IGSF3: variants seen among roughly 807,000 people sequenced by gnomAD.
IGSF3 encodes glu-Trp-Ile EWI motif-containing protein 3.
In IGSF3, 23 loss-of-function variants were observed where a neutral mutation model predicts 114.4. That is an observed-to-expected ratio of 0.20 (90% CI 0.14 to 0.28). The LOEUF (loss-of-function observed/expected upper bound fraction) is 0.28. Ranked by LOEUF, IGSF3 falls within the 10% of genes least tolerant of loss-of-function variation. The pLI is 1.00. For synonymous variants in IGSF3, 571 were observed against 645.2 expected (o/e 0.88, Z 1.74); for missense variants, 1,172 against 1,591.5 (o/e 0.74, Z 4.48).
chr1:116,614,429 G>A lies in IGSF3; in HGVS notation c.422-254C>T, dbSNP rs1661141736. On this transcript the variant is annotated intron_variant, in intron 3 of 10. Transcript: ENST00000369486. This position sits in a 1 kb window ranked among gnomAD's most constrained non-coding sequence, Gnocchi z 4.5. ...TAATAACACTTGGATAAAACATGGG[G>A]TGTATTTCATATTACATAATAAATA... 6.6e-6 allele frequency among the ~76,000 whole-genome samples: 1 copy of A among 152,140 alleles called. No individual in the cohort carries two copies. The highest frequency in any genetic ancestry group is 2.4e-5 in the African/African-American group (1 of 41,424).
Position 116,600,022 on chromosome 1 carries a change from A to G in IGSF3, c.1948T>C (p.Trp650Arg), listed in dbSNP as rs764491950. 6.2e-7 allele frequency: 1 copy of G among 1,614,070 alleles called. No homozygotes were observed. Among genetic ancestry groups the G allele is most frequent in the African/African-American group, 1.3e-5 (1 of 74,918 alleles). ...AGKYQCVAEL[W>R]RKNYNNTWTR... ...CAGGTGTTGTTGTAGTTCTTCCGCC[A>G]CAGCTCTGCCACACACTGGTACTTG... The change falls in exon 7 of 11, where the codon TGG (tryptophan) becomes CGG (arginine). Residue 650 changes from tryptophan (W) to arginine (R), a missense_variant. Coordinates refer to ENST00000369486, the MANE Select transcript of IGSF3 (RefSeq NM_001007237.3). The surrounding 1 kb of genome is among the most constrained non-coding windows in gnomAD (Gnocchi z 5.5).
chr1:116,599,007 T>C (rs1660458393), intron 7 of IGSF3, among the ~76,000 whole-genome samples: 1 of 152,148 alleles, frequency 6.6e-6, no homozygotes, highest in Non-Finnish European at 1.5e-5. Flanking sequence ...GGAGCTCAAA[T>C]TCAGGGCCCA....
chr1:116,628,583 GT>G lies in IGSF3; in HGVS notation c.44-12127del, dbSNP rs1647412993. On this transcript the variant is annotated intron_variant, in intron 2 of 10. Transcript: ENST00000369486. The surrounding 1 kb of genome is among the most constrained non-coding windows in gnomAD (Gnocchi z 4.2). The stretch of plus-strand genomic sequence containing the variant: ...CCCCAAACCATTCCCCACCAAGAGT[GT>G]GGGTGGCAGGCACCCTGAAATATGT... Among the ~76,000 whole-genome samples, 1 of 152,160 alleles carries G rather than the reference GT, an allele frequency of 6.6e-6. No individual in the cohort carries two copies. The highest frequency in any genetic ancestry group is 1.9e-4 in the East Asian group (1 of 5,196).
rs914579321 is a variant in IGSF3 at position 116,601,863 on chromosome 1, A to G, written c.1625-1518T>C. Among the ~76,000 whole-genome samples, 16 of 151,896 alleles carry G rather than the reference A, an allele frequency of 1.1e-4. 2 individuals are homozygous for G. Among genetic ancestry groups the G allele is most frequent in the Admixed American group, 1.0e-3 (16 of 15,290 alleles). On this transcript the variant is annotated intron_variant, in intron 6 of 10. Coordinates refer to ENST00000369486, the MANE Select transcript of IGSF3 (RefSeq NM_001007237.3). Reference sequence around the variant, plus strand: ...GAACCTCAGGGACAGGACCCACACCAGGTGCTCCTGGCCTCACACCTGAAG... The same window carrying G: ...GAACCTCAGGGACAGGACCCACACCGGGTGCTCCTGGCCTCACACCTGAAG...
chr1:116,659,059 T>C (rs766634827), intron 2 of IGSF3, among the ~76,000 whole-genome samples: 4 of 152,230 alleles, frequency 2.6e-5, no homozygotes, highest in Non-Finnish European at 4.4e-5. Flanking sequence ...CTTTTTAAAA[T>C]ACAACTGACC....
chr1:116,577,615 C>T lies in IGSF3; in HGVS notation c.3335-53G>A. 1.9e-6 allele frequency: 3 copies of T among 1,580,504 alleles called. No individual in the cohort carries two copies. Among genetic ancestry groups the T allele is most frequent in the South Asian group, 2.3e-5 (2 of 86,724 alleles). The stretch of plus-strand genomic sequence containing the variant: ...CAATGAGGGCTGAGAACCTGGACTG[C>T]TCACATTTCCTTTTGAAGACCTCAC... On this transcript the variant is annotated intron_variant, in intron 10 of 10. Transcript: ENST00000369486. This position sits in a 1 kb window ranked among gnomAD's most constrained non-coding sequence, Gnocchi z 5.7.
In IGSF3 at chr1:116,636,795, G is replaced by A. The variant is rs1348479362; in HGVS notation, c.44-20338C>T. ...TCCACACTCCAAAGACAGCATCTCC[G>A]CGAGAAGTGTTGGGCAGTGTCCAGG... On this transcript the variant is annotated intron_variant, in intron 2 of 10. Transcript: ENST00000369486. The surrounding 1 kb of genome is among the most constrained non-coding windows in gnomAD (Gnocchi z 4.5). Among the ~76,000 whole-genome samples the A allele has an allele frequency of 2.6e-5, 4 of 151,874 alleles. No homozygotes were observed. The highest frequency in any genetic ancestry group is 6.6e-5 in the Admixed American group (1 of 15,258).
At chr1:116,660,687 C>A (rs577602652) in intron 2 of IGSF3, among the ~76,000 whole-genome samples, 55 of 152,086 alleles carry the variant, frequency 3.6e-4, no homozygotes, top group Non-Finnish European at 5.6e-4. Context: ...GGTGATCCAC[C>A]CACCTTGGCC....
rs1212618269 is a variant in IGSF3, at chr1:116,638,118, G to A, written c.44-21661C>T. Among the ~76,000 whole-genome samples, 1 of 152,076 alleles carries A rather than the reference G, an allele frequency of 6.6e-6. No homozygotes were observed. Among genetic ancestry groups the A allele is most frequent in the Non-Finnish European group, 1.5e-5 (1 of 68,026 alleles). ...CATCTTAAAAATAAACCAAAAATGT[G>A]TTATTCCAGCTACCCTCACTCTTTT... On this transcript the variant is annotated intron_variant, in intron 2 of 10. Transcript: ENST00000369486. This position sits in a 1 kb window ranked among gnomAD's most constrained non-coding sequence, Gnocchi z 4.1.
rs1406319933 is a variant in IGSF3 at position 116,610,456 on chromosome 1, T to C, written c.833-2125A>G. On this transcript the variant is annotated intron_variant, in intron 4 of 10. Transcript: ENST00000369486. This position sits in a 1 kb window ranked among gnomAD's most constrained non-coding sequence, Gnocchi z 4.3. ...TCACCCCCGTTTCTGCCCTTGGTTA[T>C]GCCCAGTCAATTACATCTCTAGAAA... Among the ~76,000 whole-genome samples, 2 of 152,220 alleles carry C rather than the reference T, an allele frequency of 1.3e-5. No individual in the cohort carries two copies. The highest frequency in any genetic ancestry group is 4.1e-4 in the South Asian group (2 of 4,832).
chr1:116,605,163 C>T lies in IGSF3; in HGVS notation c.1223-1138G>A, dbSNP rs1489710802. Among the ~76,000 whole-genome samples the T allele has an allele frequency of 6.6e-6, 1 of 151,888 alleles. No individual in the cohort carries two copies. Among genetic ancestry groups the T allele is most frequent in the Non-Finnish European group, 1.5e-5 (1 of 67,982 alleles). ...CTAATTTGGCTCCAATTTTTGGGTA[C>T]CACCCACATTAAATACATGCAATAA... On this transcript the variant is annotated intron_variant, in intron 5 of 10. Transcript: ENST00000369486. This position sits in a 1 kb window ranked among gnomAD's most constrained non-coding sequence, Gnocchi z 5.1.
chr1:116,647,790 A>C lies in IGSF3; in HGVS notation c.43+18494T>G, dbSNP rs1648461465. Among the ~76,000 whole-genome samples, 1 of 152,250 alleles carries C rather than the reference A, an allele frequency of 6.6e-6. No individual in the cohort carries two copies. The highest frequency in any genetic ancestry group is 1.5e-5 in the Non-Finnish European group (1 of 68,042). On this transcript the variant is annotated intron_variant, in intron 2 of 10. Coordinates refer to ENST00000369486, the MANE Select transcript of IGSF3 (RefSeq NM_001007237.3). The surrounding 1 kb of genome is among the most constrained non-coding windows in gnomAD (Gnocchi z 4.6). ...TAAGCTTAGACCTTGTAGGCCTATC[A>C]GCCAGAAGCAGTGTGTAAAATAAGA...
In IGSF3 at chr1:116,638,919, T is replaced by C. The variant is rs533952706; in HGVS notation, c.44-22462A>G. 6.6e-6 allele frequency among the ~76,000 whole-genome samples: 1 copy of C among 152,178 alleles called. No individual in the cohort carries two copies. The highest frequency in any genetic ancestry group is 1.5e-5 in the Non-Finnish European group (1 of 68,030). Reference sequence around the variant, plus strand: ...CCCAGGGTCACGTGCAAAGTCTGCATGCATGCTGAACCATTCCAGCTGCGC... The same window carrying C: ...CCCAGGGTCACGTGCAAAGTCTGCACGCATGCTGAACCATTCCAGCTGCGC... On this transcript the variant is annotated intron_variant, in intron 2 of 10. Coordinates refer to ENST00000369486, the MANE Select transcript of IGSF3 (RefSeq NM_001007237.3). The surrounding 1 kb of genome is among the most constrained non-coding windows in gnomAD (Gnocchi z 4.1).
chr1:116,606,774 T>C (rs2101463030), intron 5 of IGSF3, among the ~76,000 whole-genome samples: 1 of 152,354 alleles, frequency 6.6e-6, no homozygotes, highest in African/African-American at 2.4e-5. Context: ...TTCAATTCAA[T>C]AATTTCAGTT....
rs140507529 is a variant in IGSF3, at chr1:116,577,810, T to C, written c.3335-248A>G. 8.1e-4 allele frequency among the ~76,000 whole-genome samples: 123 copies of C among 152,364 alleles called. No homozygotes were observed. Among genetic ancestry groups the C allele is most frequent in the African/African-American group, 2.8e-3 (116 of 41,592 alleles). ...TTCTGTTTTCCATTGAGAGCCATTA[T>C]TGCTGCTTGGAAAGCCACATAATGA... On this transcript the variant is annotated intron_variant, in intron 10 of 10. Transcript: ENST00000369486. The surrounding 1 kb of genome is among the most constrained non-coding windows in gnomAD (Gnocchi z 5.7).
Position 116,607,873 on chromosome 1 carries a change from T to C in IGSF3, c.1222+69A>G. 1 of 1,473,736 alleles carries C rather than the reference T, an allele frequency of 6.8e-7. No individual in the cohort carries two copies. Among genetic ancestry groups the C allele is most frequent in the East Asian group, 2.3e-5 (1 of 43,954 alleles). The allele number at this position is 1,473,736 out of a possible 1,614,324, so 91.3% of individuals were successfully genotyped here. On this transcript the variant is annotated intron_variant, in intron 5 of 10. Transcript: ENST00000369486. This position sits in a 1 kb window ranked among gnomAD's most constrained non-coding sequence, Gnocchi z 6.1. ...TCCCCTCACCTTCACCACGCTATTC[T>C]CTCTCCCCCTACCTCTCCTAAATGA... is the stretch of plus-strand genomic sequence containing the variant.
chr1:116,577,757 A>G lies in IGSF3; in HGVS notation c.3335-195T>C, dbSNP rs1045888732. On this transcript the variant is annotated intron_variant, in intron 10 of 10. Coordinates refer to ENST00000369486, the MANE Select transcript of IGSF3 (RefSeq NM_001007237.3). This position sits in a 1 kb window ranked among gnomAD's most constrained non-coding sequence, Gnocchi z 5.7. ...TTTCTCGCAACACCTCTCCTAATTT[A>G]CGGCTGTATGTTCCAACAAAGCAAT... 1.3e-5 allele frequency among the ~76,000 whole-genome samples: 2 copies of G among 152,096 alleles called. No individual in the cohort carries two copies. The highest frequency in any genetic ancestry group is 2.9e-5 in the Non-Finnish European group (2 of 68,008).
chr1:116,592,531 T>C lies in IGSF3; in HGVS notation c.2030-3427A>G, dbSNP rs936805224. On this transcript the variant is annotated intron_variant, in intron 7 of 10. Transcript: ENST00000369486. This position sits in a 1 kb window ranked among gnomAD's most constrained non-coding sequence, Gnocchi z 4.5. ...TGTTTTGTATGGTAGGAGAGGCTGTTGTGTTTGTTACAGGCCAGGATAGGG... is the reference window on the plus strand; with the variant it reads ...TGTTTTGTATGGTAGGAGAGGCTGTCGTGTTTGTTACAGGCCAGGATAGGG... Among the ~76,000 whole-genome samples the C allele has an allele frequency of 3.9e-5, 6 of 152,168 alleles. No individual in the cohort carries two copies. Among genetic ancestry groups the C allele is most frequent in the African/African-American group, 1.4e-4 (6 of 41,438 alleles).
Position 116,614,024 on chromosome 1 carries a change from C to A in IGSF3, c.573G>T (p.Lys191Asn). Residue 191 changes from lysine to asparagine, a missense_variant, in exon 4 of 11, where the codon AAG becomes AAT. Lys to Asn is a moderately conservative substitution (Grantham distance 94). Coordinates refer to ENST00000369486, the MANE Select transcript of IGSF3 (RefSeq NM_001007237.3). This position sits in a 1 kb window ranked among gnomAD's most constrained non-coding sequence, Gnocchi z 4.5. The stretch of plus-strand genomic sequence containing the variant: ...GGCTCAGGGAGATGACCTCCACGGG[C>A]TTCTCGCCAACTTTCTGCCGGAGCC... ...VAWLRQKVGE[K>N]PVEVISLSRD... is the part of the protein sequence containing the mutation. 6.2e-7 allele frequency: 1 copy of A among 1,614,112 alleles called. No homozygotes were observed.
Sources: allele counts gnomAD v4.1 joint callset (sites outside exome capture counted in the v4.1 genomes callset), GRCh38; gene constraint gnomAD v4.1.1; non-coding constraint Gnocchi (gnomAD v3.1); transcripts MANE v1.5; gene names NCBI Gene and HGNC (gene_info 2026-07-23, HGNC 2026-07-21).